The following WDPCP variants were observed in gnomAD, a reference collection of about 807,000 sequenced individuals.
WDPCP encodes the protein WD repeat-containing and planar cell polarity effector protein fritz homolog.
In WDPCP, 71 loss-of-function variants were observed where a neutral mutation model predicts 93.1. That is an observed-to-expected ratio of 0.76 (90% CI 0.63 to 0.93). WDPCP has a LOEUF of 0.93. Ranked by LOEUF, WDPCP falls within the 40% of genes least tolerant of loss-of-function variation. WDPCP has a pLI of 0.00. For synonymous variants in WDPCP, 315 were observed against 315.0 expected (o/e 1.00, Z 0.00); for missense variants, 844 against 887.4 (o/e 0.95, Z 0.62).
chr2:63,185,708 G>A (rs1674581817), intron 14 of WDPCP, among the ~76,000 whole-genome samples: 1 of 152,144 alleles, frequency 6.6e-6, no homozygotes, highest in African/African-American at 2.4e-5. Context: ...GCCAGTCAGT[G>A]GCACTTGTAA....
At chr2:63,489,855 T>A (rs1051812768) in intron 2 of WDPCP, among the ~76,000 whole-genome samples, 2 of 151,994 alleles carry the variant, frequency 1.3e-5, no homozygotes, top group African/African-American at 2.4e-5. Flanking sequence ...TATTTCCCTA[T>A]GAAATACTTA....
At chr2:63,248,597 T>A (rs1464997580) in intron 14 of WDPCP, among the ~76,000 whole-genome samples, 1 of 152,182 alleles carries the variant, frequency 6.6e-6, no homozygotes, top group Non-Finnish European at 1.5e-5. Context: ...TGGTCATTAT[T>A]TCTTCACATA....
intron 2 of WDPCP, among the ~76,000 whole-genome samples, chr2:63,770,242 C>A (rs973864195): frequency 1.3e-5 from 2 of 151,926 alleles, no homozygotes. Context: ...CGTGTCCAAT[C>A]TCATCTGAAA....
chr2:63,710,036 G>A (rs1669236835), intron 2 of WDPCP, among the ~76,000 whole-genome samples: 1 of 152,178 alleles, frequency 6.6e-6, no homozygotes, highest in African/African-American at 2.4e-5. Flanking sequence ...AAAAGCTTGA[G>A]TTTCACAATA....
chr2:63,649,677 T>A (rs1261278647), intron 3 of WDPCP, among the ~76,000 whole-genome samples: 1 of 152,254 alleles, frequency 6.6e-6, no homozygotes, highest in East Asian at 1.9e-4. Flanking sequence ...TCATCATTCA[T>A]CAAATATCAT....
intron 3 of WDPCP, among the ~76,000 whole-genome samples, chr2:63,611,720 G>A (rs969660828): frequency 1.3e-5 from 2 of 152,134 alleles, no homozygotes; most frequent in African/African-American, 2.4e-5. Flanking sequence ...AACTAAAATG[G>A]TTACTGACTC....
intron 2 of WDPCP, among the ~76,000 whole-genome samples, chr2:63,672,368 A>T (rs1179745716): frequency 6.6e-6 from 1 of 152,236 alleles, no homozygotes; most frequent in African/African-American, 2.4e-5. Context: ...TACTTTAATG[A>T]GCTTATAATT....
At chr2:63,793,563 AT>A (rs1316900331) in intron 2 of WDPCP, among the ~76,000 whole-genome samples, 1 of 152,200 alleles carries the variant, frequency 6.6e-6, no homozygotes, top group Non-Finnish European at 1.5e-5. Flanking sequence ...GTGAGCTATG[AT>A]TGTGCCATTG....
At chr2:63,339,686 T>C (rs1275596954) in intron 12 of WDPCP, among the ~76,000 whole-genome samples, 1 of 152,182 alleles carries the variant, frequency 6.6e-6, no homozygotes, top group Non-Finnish European at 1.5e-5. Context: ...TTTCTCTTCT[T>C]TTCTCTTGCC....
intron 1 of WDPCP, among the ~76,000 whole-genome samples, chr2:63,578,047 T>C (rs1708234682): frequency 6.6e-6 from 1 of 152,160 alleles, no homozygotes; most frequent in Non-Finnish European, 1.5e-5. Flanking sequence ...ACTGAATAGC[T>C]CTTTTAAGGA....
At chr2:63,527,683 T>G (rs993374640) in intron 1 of WDPCP, among the ~76,000 whole-genome samples, 30 of 152,220 alleles carry the variant, frequency 2.0e-4, no homozygotes, top group Admixed American at 1.9e-3. Context: ...TAAACATACG[T>G]GTGCATGTGT....
intron 12 of WDPCP, among the ~76,000 whole-genome samples, chr2:63,335,756 T>TGAGGCTGAAACCTAC (rs1688309673): frequency 6.6e-6 from 1 of 152,122 alleles, no homozygotes; most frequent in Non-Finnish European, 1.5e-5. Flanking sequence ...TGGGTAAAAA[T>TGAGGCTGAAACCTAC]GAGGCTGAAA....
At chr2:63,572,813 G>C (rs773482465) in intron 1 of WDPCP, among the ~76,000 whole-genome samples, 3 of 149,488 alleles carry the variant, frequency 2.0e-5, no homozygotes, top group East Asian at 4.1e-4. Flanking sequence ...TGTCATGCTT[G>C]TTTTTTCCTT....
chr2:63,811,585 C>T (rs1387535035), intron 2 of WDPCP, among the ~76,000 whole-genome samples: 1 of 151,756 alleles, frequency 6.6e-6, no homozygotes. Context: ...AGAACAGAGC[C>T]CTGTCCACAC....
chr2:63,135,753 A>G (rs1273247919), intron 17 of WDPCP, among the ~76,000 whole-genome samples: 4 of 151,960 alleles, frequency 2.6e-5, no homozygotes, highest in Non-Finnish European at 4.4e-5. Flanking sequence ...TTGTTTTGAG[A>G]CAGGGTCTCA....
intron 2 of WDPCP, among the ~76,000 whole-genome samples, chr2:63,713,072 C>T (rs986406809): frequency 2.6e-5 from 4 of 152,176 alleles, no homozygotes; most frequent in African/African-American, 7.2e-5. Context: ...TTCTGAATTA[C>T]AACATGGCAG....
In WDPCP at chr2:63,608,958, T is replaced by C. The variant is rs562020422; in HGVS notation, n.488+41701A>G. Among the ~76,000 whole-genome samples, 16 of 152,344 alleles carry C rather than the reference T, an allele frequency of 1.1e-4. 1 individual carries two copies. The highest frequency in any genetic ancestry group is 3.6e-4 in the African/African-American group (15 of 41,578). ...AACAAAATTTTGTATAAAGTAAGTA[T>C]GAATTGTACCAGTTGTTATTTTCTT... is the stretch of plus-strand genomic sequence containing the variant. On this transcript the variant is annotated intron_variant and non_coding_transcript_variant, in intron 3 of 4. Coordinates refer to the WDPCP transcript ENST00000467687.
At chr2:63,175,264 A>G (rs1186262028) in intron 14 of WDPCP, among the ~76,000 whole-genome samples, 4 of 152,216 alleles carry the variant, frequency 2.6e-5, no homozygotes, top group Non-Finnish European at 5.9e-5. Context: ...TAAACTTTAT[A>G]GGGAGATATA....
chr2:63,420,286 G>C (rs898790076), intron 9 of WDPCP, among the ~76,000 whole-genome samples: 2 of 151,494 alleles, frequency 1.3e-5, no homozygotes, highest in African/African-American at 4.9e-5. Flanking sequence ...ACTTGGGGAG[G>C]CCAAGGTGGG....
Sources: gnomAD v4.1 joint callset for allele counts (sites outside exome capture counted in the v4.1 genomes callset) on GRCh38, gnomAD v4.1.1 for gene constraint, MANE v1.5 for transcripts, NCBI Gene and HGNC (gene_info 2026-07-23, HGNC 2026-07-21) for gene names.